CHN2: variants seen among roughly 807,000 people sequenced by gnomAD.
CHN2 encodes chimerin 2.
A neutral mutation model predicts 56.3 loss-of-function variants in CHN2; 35 were observed. That is an observed-to-expected ratio of 0.62 (90% CI 0.47 to 0.82). The LOEUF is 0.82. Ranked by LOEUF, CHN2 falls within the 40% of genes least tolerant of loss-of-function variation. The probability of loss-of-function intolerance (pLI) is 0.00; values close to 1 mark genes in which losing one functional copy is unlikely to be tolerated. For missense variants in CHN2, 491 were observed against 580.5 expected (o/e 0.85, Z 1.58); for synonymous variants, 210 against 212.8 (o/e 0.99, Z 0.12).
At chr7:29,228,676 A>T (rs1416291880) in intron 1 of CHN2, among the ~76,000 whole-genome samples, 1 of 152,254 alleles carries the variant, frequency 6.6e-6, no homozygotes, top group East Asian at 1.9e-4. Flanking sequence ...AAAACAAATA[A>T]ACAAAACACA....
intron 6 of CHN2, among the ~76,000 whole-genome samples, chr7:29,451,153 G>A (rs67647967): frequency 0.072 from 10,909 of 152,166 alleles, 888 homozygotes; most frequent in African/African-American, 0.2. Context: ...TTCTGCTTTA[G>A]CCACACAAGT....
At chr7:29,180,020 A>G (rs963431864) in intron 2 of CHN2, among the ~76,000 whole-genome samples, 4 of 152,224 alleles carry the variant, frequency 2.6e-5, no homozygotes, top group Non-Finnish European at 5.9e-5. Context: ...GGAAATATCA[A>G]TGAGAAATAA....
upstream of CHN2, chr7:29,193,062 T>C (rs979822590): frequency 3.3e-5 from 5 of 152,348 alleles, no homozygotes; most frequent in East Asian, 1.9e-4. Context: ...AGGATAGTGG[T>C]AGGGGCTGGG....
chr7:29,467,392 T>TG (rs955607479), intron 6 of CHN2, among the ~76,000 whole-genome samples: 2 of 152,096 alleles, frequency 1.3e-5, no homozygotes, highest in African/African-American at 4.8e-5. Context: ...TTGTGCAATG[T>TG]GGGAGAGCAT....
intron 6 of CHN2, among the ~76,000 whole-genome samples, chr7:29,406,753 C>G (rs1802686703): frequency 6.6e-6 from 1 of 152,100 alleles, no homozygotes; most frequent in Admixed American, 6.5e-5. Context: ...GTGCCCTCCG[C>G]CAATGTGTGT....
At chr7:29,296,305 G>A (rs1205290232) in intron 1 of CHN2, among the ~76,000 whole-genome samples, 8 of 151,994 alleles carry the variant, frequency 5.3e-5, no homozygotes, top group Admixed American at 1.3e-4. Context: ...GGCTGGTCTC[G>A]AACTCCTAAC....
chr7:29,151,705 G>A (rs957492806), intron 2 of CHN2, among the ~76,000 whole-genome samples: 4 of 152,284 alleles, frequency 2.6e-5, no homozygotes, highest in East Asian at 1.9e-4. Context: ...GGAGTAGACC[G>A]ATGGCATCTG....
At chr7:29,209,022 C>T (rs1784730622) in intron 1 of CHN2, 1 of 149,750 alleles carries the variant, frequency 6.7e-6, no homozygotes, top group African/African-American at 2.5e-5. Context: ...ACACCTGCCC[C>T]ACCCCCACCC....
chr7:29,163,236 C>T (rs147181216), intron 2 of CHN2, among the ~76,000 whole-genome samples: 6 of 152,090 alleles, frequency 3.9e-5, no homozygotes, highest in Admixed American at 2.6e-4. Context: ...AAATCTAAGA[C>T]GTGCTACAAG....
At chr7:29,407,147 C>G (rs1253121113) in intron 6 of CHN2, among the ~76,000 whole-genome samples, 6 of 152,190 alleles carry the variant, frequency 3.9e-5, no homozygotes, top group African/African-American at 1.4e-4. Flanking sequence ...TGGAGACCAT[C>G]TCATGCAACC....
intron 2 of CHN2, 75 bp downstream of exon 2, chr7:29,354,738 G>T: frequency 7.4e-7 from 1 of 1,344,104 alleles, no homozygotes. Flanking sequence ...TGCCAGCGAT[G>T]TAGTGCACAC....
intron 9 of CHN2, among the ~76,000 whole-genome samples, chr7:29,503,712 A>C (rs1287815694): frequency 6.6e-6 from 1 of 152,260 alleles, no homozygotes; most frequent in African/African-American, 2.4e-5. Flanking sequence ...TATGGCAGAT[A>C]ATACATACTC....
chr7:29,491,038 AT>A (rs1348042445), intron 7 of CHN2, among the ~76,000 whole-genome samples: 2 of 152,180 alleles, frequency 1.3e-5, no homozygotes, highest in East Asian at 3.8e-4. Flanking sequence ...TTCGCTTTAT[AT>A]TTTTGAGACC....
At chr7:29,420,075 A>G (rs1057453216) in intron 6 of CHN2, among the ~76,000 whole-genome samples, 33 of 151,460 alleles carry the variant, frequency 2.2e-4, no homozygotes, top group African/African-American at 7.8e-4. Flanking sequence ...AAAAAAAAAA[A>G]TTATCTCACA....
intron 1 of CHN2, among the ~76,000 whole-genome samples, chr7:29,303,057 A>G (rs1282554260): frequency 6.6e-6 from 1 of 152,028 alleles, no homozygotes; most frequent in Non-Finnish European, 1.5e-5. Flanking sequence ...CAGGGGTCTG[A>G]CTCAGTACCT....
intron 1 of CHN2, among the ~76,000 whole-genome samples, chr7:29,273,365 A>ATATATG (rs1554387259): frequency 1.9e-5 from 1 of 52,154 alleles, no homozygotes; most frequent in Non-Finnish European, 3.5e-5. Flanking sequence ...ATATATATAT[A>ATATATG]TATATATATA....
intron 1 of CHN2, among the ~76,000 whole-genome samples, chr7:29,262,372 CACTT>C (rs1789625931): frequency 6.6e-6 from 1 of 152,152 alleles, no homozygotes; most frequent in East Asian, 1.9e-4. Context: ...TGCTTTGTGT[CACTT>C]ACAAAAGTAA....
At chr7:29,455,453 A>T (rs1784681822) in intron 6 of CHN2, among the ~76,000 whole-genome samples, 1 of 152,178 alleles carries the variant, frequency 6.6e-6, no homozygotes, top group African/African-American at 2.4e-5. Flanking sequence ...AGAGTCACCC[A>T]GCTGCCACCC....
intron 9 of CHN2, among the ~76,000 whole-genome samples, chr7:29,503,933 T>C (rs1183827260): frequency 1.3e-5 from 2 of 152,332 alleles, no homozygotes; most frequent in East Asian, 3.9e-4. Context: ...TTAGGACATA[T>C]CTTAACAAAT....
Sources: gnomAD v4.1 joint callset for allele counts (sites outside exome capture counted in the v4.1 genomes callset) on GRCh38, gnomAD v4.1.1 for gene constraint, MANE v1.5 for transcripts, NCBI Gene and HGNC (gene_info 2026-07-23, HGNC 2026-07-21) for gene names.